The following MCF2L2 variants were observed in gnomAD, a reference collection of about 807,000 sequenced individuals.
The protein encoded by MCF2L2 is MCF.2 cell line derived transforming sequence-like 2, also known as probable guanine nucleotide exchange factor MCF2L2.
In MCF2L2, 102 loss-of-function variants were observed where a neutral mutation model predicts 150.2. The ratio of observed to expected loss-of-function variants is 0.68; its 90% CI spans 0.58 to 0.80. The LOEUF (loss-of-function observed/expected upper bound fraction) is 0.80. MCF2L2 is among the 30% of genes least tolerant of loss of function. The pLI is 0.00. For synonymous variants in MCF2L2, 465 were observed against 491.3 expected (o/e 0.95, Z 0.71); for missense variants, 1,256 against 1,372.8 (o/e 0.91, Z 1.34).
chr3:183,288,980 CCA>C (rs1022247540), intron 14 of MCF2L2, 138 bp downstream of exon 14: 9 of 565,476 alleles, frequency 1.6e-5, no homozygotes, highest in Non-Finnish European at 1.9e-5. Flanking sequence ...CCTATAAACC[CCA>C]GTTCTTGAAA....
chr3:183,196,272 G>C (rs922246408), intron 25 of MCF2L2, among the ~76,000 whole-genome samples: 4 of 152,084 alleles, frequency 2.6e-5, no homozygotes, highest in African/African-American at 9.7e-5. Context: ...TTGGCTCCCA[G>C]TGTCATTCCT....
intron 26 of MCF2L2, among the ~76,000 whole-genome samples, chr3:183,193,615 C>T (rs891101995): frequency 6.6e-6 from 1 of 152,184 alleles, no homozygotes; most frequent in East Asian, 1.9e-4. Flanking sequence ...TCCCAAAGTG[C>T]TGGGATTACA....
chr3:183,401,641 A>G (rs1714762227), intron 1 of MCF2L2, among the ~76,000 whole-genome samples: 1 of 152,180 alleles, frequency 6.6e-6, no homozygotes, highest in Non-Finnish European at 1.5e-5. Flanking sequence ...ACTTTTTTCG[A>G]TAGAGACTAG....
At chr3:183,269,607 T>C in intron 15 of MCF2L2, 1 of 547,700 alleles carries the variant, frequency 1.8e-6, no homozygotes, top group South Asian at 2.6e-5. Flanking sequence ...TTCTACAGGG[T>C]GTTCCATTCT....
intron 1 of MCF2L2, among the ~76,000 whole-genome samples, chr3:183,401,160 C>T (rs188387256): frequency 9.9e-5 from 15 of 152,268 alleles, no homozygotes; most frequent in Non-Finnish European, 2.9e-5. Context: ...AAAGTGAGTT[C>T]ACCTTTCAAA....
At chr3:183,293,528 C>T (rs1036138057) in intron 13 of MCF2L2, among the ~76,000 whole-genome samples, 3 of 152,164 alleles carry the variant, frequency 2.0e-5, no homozygotes, top group African/African-American at 7.2e-5. Flanking sequence ...ACTCAATAAT[C>T]ATTCACGATA....
chr3:183,380,313 A>G (rs2108588010), intron 2 of MCF2L2, among the ~76,000 whole-genome samples: 1 of 152,286 alleles, frequency 6.6e-6, no homozygotes, highest in Admixed American at 6.5e-5. Context: ...ACTGTTTTAA[A>G]TTTTTGAGGG....
At chr3:183,239,037 A>G (rs1286119219) in intron 15 of MCF2L2, among the ~76,000 whole-genome samples, 1 of 150,666 alleles carries the variant, frequency 6.6e-6, no homozygotes, top group African/African-American at 2.4e-5. Flanking sequence ...AGGATTTACC[A>G]TCTAAAATCA....
chr3:183,247,162 G>C (rs1724295628), intron 15 of MCF2L2, among the ~76,000 whole-genome samples: 1 of 152,218 alleles, frequency 6.6e-6, no homozygotes, highest in South Asian at 2.1e-4. Context: ...CGAGCACTAA[G>C]TGACTTGGCT....
chr3:183,416,784 C>T (rs1248732811), intron 1 of MCF2L2, among the ~76,000 whole-genome samples: 2 of 152,034 alleles, frequency 1.3e-5, no homozygotes, highest in Admixed American at 1.3e-4. Flanking sequence ...ACTATTTACA[C>T]AGCATTTATA....
At chr3:183,240,822 C>A (rs1460060401) in intron 15 of MCF2L2, among the ~76,000 whole-genome samples, 2 of 152,222 alleles carry the variant, frequency 1.3e-5, no homozygotes, top group Admixed American at 1.3e-4. Flanking sequence ...CCAGTGTTAT[C>A]GCTATTTTCC....
At chr3:183,371,379 C>T (rs893607019) in intron 3 of MCF2L2, among the ~76,000 whole-genome samples, 4 of 151,770 alleles carry the variant, frequency 2.6e-5, no homozygotes, top group Middle Eastern at 3.4e-3. Flanking sequence ...TCAGGAAAGG[C>T]AGGACAACTC....
chr3:183,400,367 T>G (rs1389678355), intron 1 of MCF2L2: 4 of 456,072 alleles, frequency 8.8e-6, no homozygotes, highest in Non-Finnish European at 1.8e-5. Context: ...TTGCCATATA[T>G]TCCAGCCTGA....
chr3:183,388,448 C>T (rs1297348039), intron 2 of MCF2L2, among the ~76,000 whole-genome samples: 2 of 152,194 alleles, frequency 1.3e-5, no homozygotes, highest in African/African-American at 4.8e-5. Context: ...ACTGTGCCTT[C>T]AGGAGGCTGG....
chr3:183,232,622 A>G (rs936362189), intron 15 of MCF2L2, among the ~76,000 whole-genome samples: 1 of 152,200 alleles, frequency 6.6e-6, no homozygotes, highest in African/African-American at 2.4e-5. Flanking sequence ...CTAGAAAATG[A>G]TTTGTTTTTC....
At chr3:183,217,732 C>G (rs1722997459) in intron 21 of MCF2L2, among the ~76,000 whole-genome samples, 1 of 152,176 alleles carries the variant, frequency 6.6e-6, no homozygotes, top group South Asian at 2.1e-4. Flanking sequence ...CCACTTGTCC[C>G]TGGCCCTCCC....
chr3:183,359,160 A>G (rs1183736944), intron 3 of MCF2L2, among the ~76,000 whole-genome samples: 1 of 152,228 alleles, frequency 6.6e-6, no homozygotes, highest in African/African-American at 2.4e-5. Flanking sequence ...CTATTCCCCC[A>G]GAAAGACATT....
intron 15 of MCF2L2, chr3:183,266,244 T>C (rs1035104675): frequency 2.0e-5 from 3 of 152,220 alleles, no homozygotes; most frequent in Non-Finnish European, 4.4e-5. Context: ...AAGCTCAGAC[T>C]TGCAAACAAC....
intron 3 of MCF2L2, among the ~76,000 whole-genome samples, chr3:183,362,200 G>A (rs1436655490): frequency 1.3e-5 from 2 of 152,052 alleles, no homozygotes; most frequent in South Asian, 2.1e-4. Context: ...CACCTCCTGG[G>A]TTCAAGCAAT....
Sources: allele counts gnomAD v4.1 joint callset (sites outside exome capture counted in the v4.1 genomes callset), GRCh38; gene constraint gnomAD v4.1.1; transcripts MANE v1.5; gene names NCBI Gene and HGNC (gene_info 2026-07-23, HGNC 2026-07-21).